Variants in PDE7B observed in about 807,000 individuals in gnomAD.
PDE7B encodes phosphodiesterase 7B, also known as 3',5'-cyclic-AMP phosphodiesterase 7B.
PDE7B carries 29 observed loss-of-function variants against 56.2 expected under a neutral mutation model. The ratio of observed to expected loss-of-function variants is 0.52; its 90% confidence interval spans 0.38 to 0.70. The LOEUF is 0.70. PDE7B is among the 30% of genes least tolerant of loss of function. The pLI is 0.00. For synonymous variants in PDE7B, 197 were observed against 196.9 expected, an observed-to-expected ratio of 1.00 and a Z score of 0.00; for missense variants, 490 against 565.0, an observed-to-expected ratio of 0.87 and a Z score of 1.35.
At chr6:136,073,787 A>T (rs568999786) in intron 2 of PDE7B, among the ~76,000 whole-genome samples, 1 of 152,314 alleles carries the variant, frequency 6.6e-6, no homozygotes, top group Admixed American at 6.5e-5. Flanking sequence ...ACACCACCAC[A>T]TGTATCAGAG....
chr6:136,068,241 A>G (rs971999252), intron 2 of PDE7B, among the ~76,000 whole-genome samples: 7 of 152,280 alleles, frequency 4.6e-5, no homozygotes, highest in South Asian at 2.1e-4. Flanking sequence ...AAAGATGTAC[A>G]TTGGTTCTGT....
chr6:136,011,274 T>C (rs1184517977), intron 2 of PDE7B, among the ~76,000 whole-genome samples: 1 of 152,166 alleles, frequency 6.6e-6, no homozygotes. Context: ...GGCTGCTCTC[T>C]TATCCAAATG....
intron 1 of PDE7B, among the ~76,000 whole-genome samples, chr6:135,883,612 C>T (rs1775650234): frequency 6.6e-6 from 1 of 152,180 alleles, no homozygotes; most frequent in African/African-American, 2.4e-5. Flanking sequence ...AAGAAACCTG[C>T]TTTATTCAAA....
In PDE7B at chr6:136,182,358, C is replaced by T. The variant is rs115774198; in HGVS notation, c.1045+1035C>T. On this transcript the variant is annotated intron_variant, in intron 11 of 12. Transcript: ENST00000308191. ...ATCAAAATCTCAGCTCTAGTTGCCC[C>T]TAAATAAAATCTCCAAGGAAGGTAA... Among the ~76,000 whole-genome samples the T allele has an allele frequency of 6.3e-3, 954 of 152,132 alleles. 10 individuals are homozygous for T. The highest frequency in any genetic ancestry group is 0.021 in the African/African-American group (891 of 41,488).
chr6:136,194,677 G>A lies in PDE7B; in HGVS notation c.*2837G>A, dbSNP rs530695579. ...GGAGGCCAAGTTGGGCAGATCACAA[G>A]TTCAAGAGATCGAGACCATTCTGGC... On this transcript the variant is annotated 3_prime_UTR_variant, in exon 13 of 13. Coordinates refer to ENST00000308191, the MANE Select transcript of PDE7B (RefSeq NM_018945.4). The A allele has an allele frequency of 6.6e-6, 1 of 152,406 alleles. No individual in the cohort carries two copies. The highest frequency in any genetic ancestry group is 2.4e-5 in the African/African-American group (1 of 41,578). The allele number at this position is 152,406 out of a possible 1,614,324, so 9.4% of individuals were successfully genotyped here.
chr6:135,884,783 C>A (rs1020782808), intron 1 of PDE7B, among the ~76,000 whole-genome samples: 10 of 152,122 alleles, frequency 6.6e-5, no homozygotes, highest in African/African-American at 2.4e-4. Context: ...TTTTCGTGAT[C>A]CCTGAACTCA....
intron 8 of PDE7B, among the ~76,000 whole-genome samples, chr6:136,171,887 G>C (rs1408697221): frequency 1.3e-5 from 2 of 149,620 alleles, no homozygotes; most frequent in Non-Finnish European, 3.0e-5. Context: ...AATATGCAGT[G>C]TTTGGTTTTT....
chr6:135,966,153 T>G (rs1038224439), intron 2 of PDE7B, among the ~76,000 whole-genome samples: 3 of 152,168 alleles, frequency 2.0e-5, no homozygotes, highest in Non-Finnish European at 4.4e-5. Flanking sequence ...CATACCACTT[T>G]AAAGGAGTTA....
chr6:135,854,812 G>C (rs1450598420), intron 1 of PDE7B, among the ~76,000 whole-genome samples: 1 of 152,196 alleles, frequency 6.6e-6, no homozygotes, highest in African/African-American at 2.4e-5. Flanking sequence ...CAAACTTGAA[G>C]AAGAGAAGGA....
At chr6:135,980,223 A>T (rs2128204122) in intron 2 of PDE7B, among the ~76,000 whole-genome samples, 1 of 152,366 alleles carries the variant, frequency 6.6e-6, no homozygotes, top group African/African-American at 2.4e-5. Context: ...GGTGCTGGGA[A>T]AACTGGCTAG....
intron 2 of PDE7B, among the ~76,000 whole-genome samples, chr6:136,042,578 T>C (rs541846813): frequency 6.6e-6 from 1 of 152,322 alleles, no homozygotes; most frequent in East Asian, 1.9e-4. Context: ...ATCTTCCCCA[T>C]AGCCATTGTA....
intron 2 of PDE7B, among the ~76,000 whole-genome samples, chr6:136,055,135 G>A (rs1015978052): frequency 5.9e-5 from 9 of 152,282 alleles, no homozygotes; most frequent in Non-Finnish European, 8.8e-5. Flanking sequence ...ACAGACCAAA[G>A]GCCAATCTAA....
chr6:135,983,176 A>C (rs1400638679), intron 2 of PDE7B, among the ~76,000 whole-genome samples: 1 of 152,204 alleles, frequency 6.6e-6, no homozygotes, highest in African/African-American at 2.4e-5. Context: ...AGACACACAC[A>C]GTGCTACCCA....
intron 2 of PDE7B, among the ~76,000 whole-genome samples, chr6:135,973,193 C>T (rs1012577510): frequency 2.0e-5 from 3 of 151,534 alleles, no homozygotes; most frequent in African/African-American, 7.3e-5. Context: ...ATGAATTTGA[C>T]TAGTTTAGAT....
At chr6:135,926,503 A>C (rs574669310) in intron 1 of PDE7B, among the ~76,000 whole-genome samples, 4 of 152,188 alleles carry the variant, frequency 2.6e-5, no homozygotes, top group Non-Finnish European at 4.4e-5. Context: ...GGGGCTTAGC[A>C]AAACCTGTGT....
chr6:136,067,288 C>A (rs1271243184), intron 2 of PDE7B, among the ~76,000 whole-genome samples: 2 of 152,140 alleles, frequency 1.3e-5, no homozygotes, highest in Non-Finnish European at 2.9e-5. Flanking sequence ...TTCAAAGGAA[C>A]AATTTACCCA....
At chr6:136,120,573 G>A (rs562012531) in intron 3 of PDE7B, among the ~76,000 whole-genome samples, 11 of 152,306 alleles carry the variant, frequency 7.2e-5, no homozygotes, top group Admixed American at 5.2e-4. Flanking sequence ...GGGATGCAAC[G>A]CAGGGGGTTT....
chr6:135,983,028 G>A (rs1184902256), intron 2 of PDE7B, among the ~76,000 whole-genome samples: 1 of 152,132 alleles, frequency 6.6e-6, no homozygotes, highest in Non-Finnish European at 1.5e-5. Flanking sequence ...TCTAATCCAT[G>A]AGTATTCAAT....
At chr6:135,992,354 T>C (rs1164997703) in intron 2 of PDE7B, among the ~76,000 whole-genome samples, 1 of 152,222 alleles carries the variant, frequency 6.6e-6, no homozygotes, top group Non-Finnish European at 1.5e-5. Flanking sequence ...ATTTTCACCA[T>C]AGCAGTCTCT....
Sources: allele counts gnomAD v4.1 joint callset (sites outside exome capture counted in the v4.1 genomes callset), GRCh38; gene constraint gnomAD v4.1.1; transcripts MANE v1.5; gene names NCBI Gene and HGNC (gene_info 2026-07-23, HGNC 2026-07-21).